The following FRMD6 variants were observed in gnomAD, a reference collection of about 807,000 sequenced individuals.
FRMD6 encodes FERM domain-containing protein 6.
Under a neutral mutation model 73.2 loss-of-function variants are expected in FRMD6, and 37 were observed. The ratio of observed to expected loss-of-function variants is 0.51; its 90% CI spans 0.39 to 0.66. The LOEUF is 0.66. Among genes scored for constraint, FRMD6 ranks in the 30% least tolerant of loss-of-function variants. The pLI is 0.00. For synonymous variants in FRMD6, 273 were observed against 282.2 expected (o/e 0.97, Z 0.33); for missense variants, 714 against 780.5 (o/e 0.91, Z 1.02).
intron 1 of FRMD6, among the ~76,000 whole-genome samples, chr14:51,564,845 A>T (rs1331766532): frequency 6.6e-6 from 1 of 152,256 alleles, no homozygotes; most frequent in East Asian, 1.9e-4. Context: ...TTTCCTAATT[A>T]AAAATATAGG....
rs748198144 is a variant in FRMD6, at chr14:51,715,345, G to T, written c.870G>T (p.Leu290Phe). Residue 290 changes from leucine (L) to phenylalanine (F), a missense_variant, in exon 10 of 14, where the codon TTG becomes TTT. Coordinates refer to ENST00000344768, the MANE Select transcript of FRMD6 (RefSeq NM_001267046.2). ...LVFVGKKFEI[L>F]PDGLPSARKL... ...CAAAGGGTAAGAAATTTGAGATTTT[G>T]CCAGATGGCTTGCCTTCTGCCCGGA... 1.3e-5 allele frequency: 20 copies of T among 1,570,982 alleles called. No individual in the cohort carries two copies. Among genetic ancestry groups the T allele is most frequent in the Admixed American group, 3.7e-5 (2 of 54,574 alleles).
intron 1 of FRMD6, among the ~76,000 whole-genome samples, chr14:51,517,335 A>G (rs1202286864): frequency 6.6e-6 from 1 of 152,168 alleles, no homozygotes; most frequent in East Asian, 1.9e-4. Context: ...GAGTTTTCCA[A>G]TCCAGACCAG....
chr14:51,726,740 G>A (rs1372786942), intron 13 of FRMD6, among the ~76,000 whole-genome samples: 1 of 152,168 alleles, frequency 6.6e-6, no homozygotes, highest in African/African-American at 2.4e-5. Context: ...GAGAGTTTGT[G>A]GGGATGACCA....
chr14:51,494,340 T>G (rs991573425), intron 1 of FRMD6, among the ~76,000 whole-genome samples: 1 of 152,240 alleles, frequency 6.6e-6, no homozygotes, highest in Non-Finnish European at 1.5e-5. Flanking sequence ...ACATGTTATA[T>G]GCTTCTATGA....
upstream of FRMD6, chr14:51,489,048 T>C (rs1882849230): frequency 6.6e-6 from 1 of 152,190 alleles, no homozygotes; most frequent in African/African-American, 2.4e-5. Flanking sequence ...ATGTCTGCTG[T>C]TTGTGAAGGG....
chr14:51,502,721 C>T (rs1883692898), intron 1 of FRMD6, among the ~76,000 whole-genome samples: 1 of 152,004 alleles, frequency 6.6e-6, no homozygotes, highest in Non-Finnish European at 1.5e-5. Context: ...ATAGATTTTT[C>T]CAATTATGTG....
intron 1 of FRMD6, among the ~76,000 whole-genome samples, chr14:51,569,965 G>A (rs752710037): frequency 7.9e-5 from 12 of 151,880 alleles, no homozygotes; most frequent in South Asian, 6.2e-4. Context: ...ACAGGTGTGC[G>A]CCACCACACT....
rs1304689840 is a variant in FRMD6, at chr14:51,646,702, C to T, written c.-146-42989C>T. ...TAGGGAATCCACCCTTTGTCCTGCC[C>T]TTCTGCTTGACATTTTTCTGTACTA... On this transcript the variant is annotated intron_variant, in intron 2 of 14. Coordinates refer to the FRMD6 transcript ENST00000356218. Among the ~76,000 whole-genome samples the T allele has an allele frequency of 1.3e-5, 2 of 150,910 alleles. 1 individual carries two copies. The highest frequency in any genetic ancestry group is 3.0e-5 in the Non-Finnish European group (2 of 67,748).
chr14:51,666,962 C>CT (rs1893643637), intron 1 of FRMD6, among the ~76,000 whole-genome samples: 1 of 152,138 alleles, frequency 6.6e-6, no homozygotes, highest in African/African-American at 2.4e-5. Flanking sequence ...TGATGAAACT[C>CT]TGTCTCTACA....
intron 1 of FRMD6, among the ~76,000 whole-genome samples, chr14:51,558,775 T>C (rs546741750): frequency 1.3e-5 from 2 of 152,306 alleles, no homozygotes; most frequent in Non-Finnish European, 2.9e-5. Context: ...TTTGCCCTCC[T>C]CTAAAGGAGT....
chr14:51,484,985 T>C (rs115460605), upstream of FRMD6, among the ~76,000 whole-genome samples: 1,196 of 152,364 alleles, frequency 7.8e-3, 12 homozygotes, highest in African/African-American at 0.027. Context: ...ACTTGGCCTA[T>C]GATGCTTCTG....
At chr14:51,561,560 G>A (rs531439477) in intron 1 of FRMD6, among the ~76,000 whole-genome samples, 1 of 152,204 alleles carries the variant, frequency 6.6e-6, no homozygotes, top group Non-Finnish European at 1.5e-5. Context: ...AATAGCAATA[G>A]ACTTGTAAGC....
At chr14:51,676,263 T>G (rs1894385548) in intron 1 of FRMD6, among the ~76,000 whole-genome samples, 1 of 152,198 alleles carries the variant, frequency 6.6e-6, no homozygotes, top group Non-Finnish European at 1.5e-5. Context: ...GATACAGTGA[T>G]AAATTTTTCA....
In FRMD6 at chr14:51,689,752, C is replaced by G. The variant is rs372980437; in HGVS notation, c.-85C>G. 1.6e-5 allele frequency: 13 copies of G among 800,788 alleles called. No homozygotes were observed. The highest frequency in any genetic ancestry group is 1.4e-4 in the Admixed American group (8 of 57,616). 49.6% of individuals were successfully genotyped at this position (800,788 alleles called of 1,614,324 possible). ...TCCTGCAGGGCGTGTGATGAGGAGG[C>G]GAGCTTGGCTTTGGAGTGCTGGGAA... On this transcript the variant is annotated 5_prime_UTR_variant, in exon 2 of 14. Transcript: ENST00000344768.
chr14:51,665,979 G>A (rs116099435), intron 1 of FRMD6, among the ~76,000 whole-genome samples: 1,748 of 152,270 alleles, frequency 0.011, 41 homozygotes, highest in African/African-American at 0.04. Flanking sequence ...AAATTGCTGA[G>A]TCTCAGGTAT....
chr14:51,410,730 C>T, the FRMD6 span, among the ~76,000 whole-genome samples: 1 of 152,114 alleles, frequency 6.6e-6, no homozygotes, highest in Admixed American at 6.6e-5. Flanking sequence ...CTTGTCAGGC[C>T]TTTTTCTCAT....
At chr14:51,443,650 T>A in the FRMD6 span, among the ~76,000 whole-genome samples, 3 of 152,002 alleles carry the variant, frequency 2.0e-5, no homozygotes, top group African/African-American at 7.3e-5. Flanking sequence ...CCATGCGGGG[T>A]TTGTGCCATA....
chr14:51,573,841 C>T (rs992912116), intron 2 of FRMD6, among the ~76,000 whole-genome samples: 4 of 152,122 alleles, frequency 2.6e-5, no homozygotes, highest in African/African-American at 4.8e-5. Flanking sequence ...TCAGTCAGAC[C>T]ACAGGCTGGT....
At chr14:51,582,473 T>A (rs1211920302) in intron 2 of FRMD6, among the ~76,000 whole-genome samples, 1 of 152,194 alleles carries the variant, frequency 6.6e-6, no homozygotes, top group Non-Finnish European at 1.5e-5. Flanking sequence ...CACCATTTTG[T>A]GGCTCCAGAC....
Sources: gnomAD v4.1 joint callset for allele counts (sites outside exome capture counted in the v4.1 genomes callset) on GRCh38, gnomAD v4.1.1 for gene constraint, MANE v1.5 for transcripts, NCBI Gene and HGNC (gene_info 2026-07-23, HGNC 2026-07-21) for gene names.